Variants in IQCJ observed in about 807,000 individuals in gnomAD.
IQCJ encodes the protein IQ domain-containing protein J.
In IQCJ, 9 loss-of-function variants were observed where a neutral mutation model predicts 11.0. That is an observed-to-expected ratio of 0.82 (90% CI 0.49 to 1.43). The LOEUF is 1.43. Ranked by LOEUF, IQCJ falls within the 40% of genes most tolerant of loss-of-function variation. The probability of loss-of-function intolerance (pLI) is 0.00; values close to 1 mark genes in which losing one functional copy is unlikely to be tolerated. For missense variants in IQCJ, 146 were observed against 133.2 expected (o/e 1.10, Z -0.47); for synonymous variants, 55 against 51.3 (o/e 1.07, Z -0.31).
chr3:159,144,111 A>G (rs1173661832), intron 1 of IQCJ, among the ~76,000 whole-genome samples: 1 of 152,202 alleles, frequency 6.6e-6, no homozygotes, highest in Non-Finnish European at 1.5e-5. Flanking sequence ...TTGAACTTGG[A>G]ATTAAGTTTC....
At chr3:159,217,677 A>G (rs1383707624) in intron 1 of IQCJ, among the ~76,000 whole-genome samples, 15 of 152,168 alleles carry the variant, frequency 9.9e-5, no homozygotes, top group Non-Finnish European at 1.2e-4. Flanking sequence ...CTGCCAAGAC[A>G]TTCTTGTCCT....
chr3:159,207,614 T>C (rs1396920888), intron 1 of IQCJ, among the ~76,000 whole-genome samples: 1 of 152,236 alleles, frequency 6.6e-6, no homozygotes. Context: ...GCAGGCCTAA[T>C]GGAGTCATAT....
chr3:159,175,713 T>C (rs929299305), intron 1 of IQCJ, among the ~76,000 whole-genome samples: 5 of 152,188 alleles, frequency 3.3e-5, no homozygotes, highest in African/African-American at 1.2e-4. Flanking sequence ...ATATAGATAC[T>C]CTACAATATG....
In IQCJ at chr3:159,128,723, A is replaced by G. The variant is rs1293063079; in HGVS notation, c.9+59282A>G. Among the ~76,000 whole-genome samples the G allele has an allele frequency of 2.6e-5, 4 of 152,026 alleles. No individual in the cohort carries two copies. In the East Asian group the frequency reaches 5.8e-4, roughly 22 times the overall value. ...CTCCCTAAAGATCTGCTCCCAACAC[A>G]TCACCCTTCCCTTTCCCAAAGTTTA... On this transcript the variant is annotated intron_variant, in intron 1 of 3. Transcript: ENST00000397832.
intron 1 of IQCJ, among the ~76,000 whole-genome samples, chr3:159,125,806 T>A (rs1719647357): frequency 1.3e-5 from 2 of 152,206 alleles, no homozygotes; most frequent in Admixed American, 1.3e-4. Flanking sequence ...TGGAACTGAT[T>A]AATGGCAGCC....
At chr3:159,095,340 A>C (rs1247897501) in intron 1 of IQCJ, among the ~76,000 whole-genome samples, 2 of 151,684 alleles carry the variant, frequency 1.3e-5, no homozygotes, top group African/African-American at 4.9e-5. Flanking sequence ...ACGACAGATC[A>C]AGAGGAAAAT....
intron 1 of IQCJ, among the ~76,000 whole-genome samples, chr3:159,077,888 G>C (rs1047928407): frequency 2.6e-5 from 4 of 151,930 alleles, no homozygotes; most frequent in African/African-American, 9.7e-5. Flanking sequence ...TAAAAAATTA[G>C]TCCTTCTTGC....
At chr3:159,144,186 G>A (rs900853102) in intron 1 of IQCJ, among the ~76,000 whole-genome samples, 18 of 152,166 alleles carry the variant, frequency 1.2e-4, no homozygotes, top group Non-Finnish European at 1.5e-5. Flanking sequence ...AACCAAAAGG[G>A]AAATTGATGT....
At chr3:159,090,559 G>A (rs9870931) in intron 1 of IQCJ, among the ~76,000 whole-genome samples, 10,317 of 151,692 alleles carry the variant, frequency 0.068, 1,414 homozygotes, top group African/African-American at 0.24. Flanking sequence ...TGGGAGGGAA[G>A]TCAGACTTGT....
intron 1 of IQCJ, among the ~76,000 whole-genome samples, chr3:159,224,205 A>G (rs1725712139): frequency 6.6e-6 from 1 of 152,200 alleles, no homozygotes; most frequent in Non-Finnish European, 1.5e-5. Context: ...AAAAGGACTT[A>G]GGAGACAATT....
At chr3:159,228,948 G>C (rs1252401877) in intron 1 of IQCJ, among the ~76,000 whole-genome samples, 1 of 152,180 alleles carries the variant, frequency 6.6e-6, no homozygotes, top group Non-Finnish European at 1.5e-5. Flanking sequence ...ATCTACTTTT[G>C]ATGTTACTAG....
At chr3:159,146,567 A>G (rs974178702) in intron 1 of IQCJ, among the ~76,000 whole-genome samples, 1 of 152,288 alleles carries the variant, frequency 6.6e-6, no homozygotes. Flanking sequence ...GGGTGTGTTC[A>G]TGTCTCAAGC....
chr3:159,088,977 T>G (rs148112731), intron 1 of IQCJ, among the ~76,000 whole-genome samples: 8,271 of 152,090 alleles, frequency 0.054, 257 homozygotes, highest in Non-Finnish European at 0.065. Flanking sequence ...GTTAGCTGGT[T>G]ATTTTGCTCA....
At chr3:159,244,377 C>G (rs1421198865) in intron 1 of IQCJ, among the ~76,000 whole-genome samples, 3 of 152,092 alleles carry the variant, frequency 2.0e-5, no homozygotes. Context: ...GAGGGTCCCA[C>G]TCAACCTCCA....
At chr3:159,082,124 A>G (rs186890581) in intron 1 of IQCJ, among the ~76,000 whole-genome samples, 1 of 152,274 alleles carries the variant, frequency 6.6e-6, no homozygotes, top group East Asian at 1.9e-4. Context: ...ACATTGTGGG[A>G]AAGTAAGAGG....
intron 1 of IQCJ, among the ~76,000 whole-genome samples, chr3:159,185,189 C>G (rs1418802509): frequency 6.6e-6 from 1 of 152,142 alleles, no homozygotes; most frequent in East Asian, 1.9e-4. Context: ...ATGCTGGGGC[C>G]TCTGTCAGAA....
intron 1 of IQCJ, among the ~76,000 whole-genome samples, chr3:159,144,514 CA>C (rs1577038015): frequency 6.6e-6 from 1 of 152,240 alleles, no homozygotes. Flanking sequence ...TGAGAATCAG[CA>C]ATGTTAAGTG....
intron 1 of IQCJ, among the ~76,000 whole-genome samples, chr3:159,182,204 C>CT (rs869114965): frequency 4.7e-5 from 7 of 149,760 alleles, no homozygotes; most frequent in Middle Eastern, 3.4e-3. Flanking sequence ...CAAAATTATA[C>CT]TTTTTTTAAA....
chr3:159,132,435 T>G (rs1353489814), intron 1 of IQCJ, among the ~76,000 whole-genome samples: 5 of 152,196 alleles, frequency 3.3e-5, no homozygotes, highest in African/African-American at 1.2e-4. Flanking sequence ...ACAATTAATT[T>G]TATAGCATCT....
Sources: gnomAD v4.1 joint callset for allele counts (sites outside exome capture counted in the v4.1 genomes callset) on GRCh38, gnomAD v4.1.1 for gene constraint, MANE v1.5 for transcripts, NCBI Gene and HGNC (gene_info 2026-07-23, HGNC 2026-07-21) for gene names.